RNF111: variants seen among roughly 807,000 people sequenced by gnomAD.
RNF111 encodes the protein E3 ubiquitin-protein ligase Arkadia.
A neutral mutation model predicts 95.1 loss-of-function variants in RNF111; 17 were observed. That is an observed-to-expected ratio of 0.18 (90% CI 0.12 to 0.27). RNF111 has a LOEUF of 0.27. Ranked by LOEUF, RNF111 falls within the 10% of genes least tolerant of loss-of-function variation. RNF111 has a pLI of 1.00. For missense variants in RNF111, 1,189 were observed against 1,210.4 expected (o/e 0.98, Z 0.26); for synonymous variants, 440 against 414.8 (o/e 1.06, Z -0.74).
At position 59,031,714 on chromosome 15, in the gene RNF111, T is replaced by G. The variant is rs1031267094; in HGVS notation, c.880+12T>G. ...AGCTGTTCCCTCAGGTAAAAATGTTTAAGCTGAGTAAAACATGGAACCTAT... is the reference window on the plus strand; with the variant it reads ...AGCTGTTCCCTCAGGTAAAAATGTTGAAGCTGAGTAAAACATGGAACCTAT... On this transcript the variant is annotated intron_variant, in intron 2 of 13. Transcript: ENST00000348370. The G allele has an allele frequency of 2.1e-5, 34 of 1,607,732 alleles. No individual in the cohort carries two copies. The highest frequency in any genetic ancestry group is 3.3e-4 in the Middle Eastern group (2 of 6,014).
rs765109145 is a variant in RNF111, at chr15:59,092,650, TATTA to T, written c.2843+15_2843+18del. ...AAGGTGAAGATGTGAGGTAACTAGATATTAATTATCTAAAATCCATTGTCAAAAC... is the reference window on the plus strand; with the variant it reads ...AAGGTGAAGATGTGAGGTAACTAGATATTATCTAAAATCCATTGTCAAAAC... On this transcript the variant is annotated intron_variant, in intron 13 of 13. Transcript: ENST00000348370. The T allele has an allele frequency of 2.5e-6, 4 of 1,599,450 alleles. No individual in the cohort carries two copies. Among genetic ancestry groups the T allele is most frequent in the Admixed American group, 1.7e-5 (1 of 58,616 alleles).
chr15:59,055,899 A>C (rs1205230948), intron 4 of RNF111, 54 bp downstream of exon 4: 1 of 1,417,406 alleles, frequency 7.1e-7, no homozygotes, highest in Non-Finnish European at 9.6e-7. Flanking sequence ...ATAAAAGGAA[A>C]TCTCTTAATA....
intron 1 of RNF111, among the ~76,000 whole-genome samples, chr15:58,995,201 T>TG (rs2039005489): frequency 6.6e-6 from 1 of 152,230 alleles, no homozygotes; most frequent in Non-Finnish European, 1.5e-5. Flanking sequence ...TGATGTTTCT[T>TG]GCCTATGCTG....
In RNF111 at chr15:59,084,273, T is replaced by G; in HGVS notation, c.2423+19T>G. 6.4e-7 allele frequency: 1 copy of G among 1,561,544 alleles called. No individual in the cohort carries two copies. Among genetic ancestry groups the G allele is most frequent in the Non-Finnish European group, 8.7e-7 (1 of 1,153,188 alleles). On this transcript the variant is annotated intron_variant, in intron 9 of 13. Transcript: ENST00000348370. ...CTGCCTGGTCAGTATCTTCTTTAAT[T>G]TCAAAACAGTGCTTCACAGCTTGTG...
intron 1 of RNF111, among the ~76,000 whole-genome samples, chr15:59,010,931 T>C (rs1221341870): frequency 6.6e-6 from 1 of 152,190 alleles, no homozygotes. Flanking sequence ...TGGGCTTTTG[T>C]CTAGTTTTTC....
At chr15:59,038,668 A>G (rs2041299806) in intron 2 of RNF111, among the ~76,000 whole-genome samples, 1 of 152,098 alleles carries the variant, frequency 6.6e-6, no homozygotes, top group Non-Finnish European at 1.5e-5. Flanking sequence ...TGTAGACATC[A>G]TTTTACTCAT....
intron 1 of RNF111, among the ~76,000 whole-genome samples, chr15:59,020,201 ATACT>A (rs1387829415): frequency 4.0e-5 from 6 of 149,344 alleles, no homozygotes; most frequent in Admixed American, 6.7e-5. Context: ...ATTTTGTAAG[ATACT>A]TAATTCTATA....
chr15:59,089,171 G>A (rs527964006), intron 10 of RNF111, among the ~76,000 whole-genome samples: 1 of 152,106 alleles, frequency 6.6e-6, no homozygotes, highest in Non-Finnish European at 1.5e-5. Context: ...CTGTGGGTCA[G>A]TTCACACATA....
At chr15:59,040,573 T>G (rs2041401519) in intron 2 of RNF111, among the ~76,000 whole-genome samples, 1 of 152,230 alleles carries the variant, frequency 6.6e-6, no homozygotes, top group South Asian at 2.1e-4. Flanking sequence ...TTGTATTTGT[T>G]CTTACACTGA....
At chr15:59,039,491 A>G (rs554458430) in intron 2 of RNF111, among the ~76,000 whole-genome samples, 251 of 152,282 alleles carry the variant, frequency 1.6e-3, no homozygotes, top group Non-Finnish European at 1.9e-3. Context: ...TTATGAATGC[A>G]TGAATTTTAG....
In RNF111 at chr15:59,031,245, T is replaced by C; in HGVS notation, c.423T>C (p.Pro141=). ...CTTTTAGTGATTGTCTTTCTTCTCC[T>C]TCATCTAGTCTGCATTTTGGAGATT... ...DSSFSDCLSS[P]SSSLHFGDSD... The change falls in exon 2 of 14, where the codon CCT becomes CCC. Residue 141 remains proline, a synonymous_variant. Coordinates refer to ENST00000348370, the MANE Select transcript of RNF111 (RefSeq NM_017610.8). 6.2e-7 allele frequency: 1 copy of C among 1,614,186 alleles called. No individual in the cohort carries two copies.
intron 6 of RNF111, among the ~76,000 whole-genome samples, chr15:59,069,159 T>G (rs534849454): frequency 6.7e-6 from 1 of 149,896 alleles, no homozygotes; most frequent in South Asian, 2.1e-4. Context: ...GAGTAGAAAA[T>G]ATAATTAAAG....
intron 3 of RNF111, 138 bp from the exon 4 acceptor site, chr15:59,055,544 T>C: frequency 2.2e-6 from 1 of 452,992 alleles, no homozygotes; most frequent in East Asian, 4.6e-5. Context: ...GTGCCAGTCA[T>C]GATTTTTAAT....
chr15:59,075,974 G>A lies in RNF111; in HGVS notation c.1707G>A (p.Leu569=). ...TCTAGCAGGCATTGCCAGTGGACCT[G>A]AGCAACAGTGGTATCAGAAGTCATG... ...YHEQQALPVD[L]SNSGIRSHGS... The change falls in exon 7 of 14, where the codon CTG becomes CTA. Residue 569 remains leucine, a synonymous_variant. Coordinates refer to ENST00000348370, the MANE Select transcript of RNF111 (RefSeq NM_017610.8). 6.2e-7 allele frequency: 1 copy of A among 1,614,150 alleles called. No homozygotes were observed. The highest frequency in any genetic ancestry group is 8.5e-7 in the Non-Finnish European group (1 of 1,180,020).
chr15:59,051,451 C>CT (rs74812098), intron 2 of RNF111, among the ~76,000 whole-genome samples: 19,990 of 131,118 alleles, frequency 0.15, 1,538 homozygotes, highest in Admixed American at 0.25. Context: ...GAGCGAGACT[C>CT]TGTCTCAAAA....
At chr15:59,027,356 C>T (rs2040668168) in intron 1 of RNF111, among the ~76,000 whole-genome samples, 1 of 152,194 alleles carries the variant, frequency 6.6e-6, no homozygotes, top group South Asian at 2.1e-4. Context: ...AATCTTGATA[C>T]TTTTCCTCTT....
At chr15:59,021,603 C>T (rs554638803) in intron 1 of RNF111, among the ~76,000 whole-genome samples, 2 of 152,190 alleles carry the variant, frequency 1.3e-5, no homozygotes, top group East Asian at 1.9e-4. Flanking sequence ...CTCATTTAAC[C>T]GTTACGGAAT....
chr15:59,031,777 A>C (rs1376179184), intron 2 of RNF111, 75 bp downstream of exon 2: 1 of 1,343,732 alleles, frequency 7.4e-7, no homozygotes, highest in East Asian at 2.3e-5. Flanking sequence ...TTTGTGTCTT[A>C]CTGATTTTAT....
rs537710658 is a variant in RNF111, at chr15:59,076,528, G to T, written c.1948+313G>T. ...GACATAACAGCAAGCTTTGGGAGTT[G>T]TAAAAGGATTTTTATATTCATTTGA... On this transcript the variant is annotated intron_variant, in intron 7 of 13. Coordinates refer to ENST00000348370, the MANE Select transcript of RNF111 (RefSeq NM_017610.8). Among the ~76,000 whole-genome samples the T allele has an allele frequency of 2.4e-4, 36 of 152,306 alleles. No homozygotes were observed. In the South Asian group the frequency reaches 5.0e-3, roughly 21 times the overall value.
Sources: allele counts gnomAD v4.1 joint callset (sites outside exome capture counted in the v4.1 genomes callset), GRCh38; gene constraint gnomAD v4.1.1; transcripts MANE v1.5; gene names NCBI Gene and HGNC (gene_info 2026-07-23, HGNC 2026-07-21).